ABCA5: variants seen among roughly 807,000 people sequenced by gnomAD.
The protein encoded by ABCA5 is ATP binding cassette subfamily A member 5.
In ABCA5, 163 loss-of-function variants were observed where a neutral mutation model predicts 206.0. The ratio of observed to expected loss-of-function variants is 0.79; its 90% CI spans 0.70 to 0.90. ABCA5 has a LOEUF of 0.90. Among genes scored for constraint, ABCA5 ranks in the 40% least tolerant of loss-of-function variants. The pLI, the probability that ABCA5 is intolerant of heterozygous loss-of-function variation, is 0.00. For missense variants in ABCA5, 1,859 were observed against 1,912.9 expected (o/e 0.97, Z 0.53); for synonymous variants, 609 against 613.8 (o/e 0.99, Z 0.11).
intron 1 of ABCA5, among the ~76,000 whole-genome samples, chr17:69,320,553 C>T (rs948989346): frequency 3.9e-5 from 6 of 152,082 alleles, no homozygotes; most frequent in African/African-American, 1.4e-4. Context: ...TCTCTTAAGC[C>T]CATCTGATCA....
At chr17:69,313,993 G>C (rs1304463864) in intron 2 of ABCA5, among the ~76,000 whole-genome samples, 1 of 152,080 alleles carries the variant, frequency 6.6e-6, no homozygotes. Flanking sequence ...GAGGTTGTGG[G>C]ATATAAAACT....
chr17:69,263,081 G>T (rs964665792), intron 24 of ABCA5, among the ~76,000 whole-genome samples: 1 of 152,116 alleles, frequency 6.6e-6, no homozygotes, highest in Admixed American at 6.6e-5. Context: ...TTTTAATGGA[G>T]TTTTGTTTTT....
At position 69,306,890 on chromosome 17, in the gene ABCA5, G is replaced by A; in HGVS notation, c.623C>T (p.Thr208Ile). The A allele has an allele frequency of 6.3e-7, 1 of 1,592,384 alleles. No individual in the cohort carries two copies. The highest frequency in any genetic ancestry group is 8.6e-7 in the Non-Finnish European group (1 of 1,168,596). ...ESTKAVIMGE[T>I]AVVEIDTFPR... ...AAAGGTATCTATTTCTACAACAGCA[G>A]TTTCTCCCATAATAACAGCTTTAGT... is the stretch of plus-strand genomic sequence containing the variant. The change falls in exon 6 of 39, where the codon ACT becomes ATT. Residue 208 changes from threonine (T) to isoleucine (I), a missense_variant. Coordinates refer to ENST00000392676, the MANE Select transcript of ABCA5 (RefSeq NM_172232.4).
At chr17:69,322,841 T>C (rs1411654258) in intron 1 of ABCA5, among the ~76,000 whole-genome samples, 3 of 152,208 alleles carry the variant, frequency 2.0e-5, no homozygotes, top group African/African-American at 7.2e-5. Context: ...TGTTTATTTC[T>C]GTGAGAAACA....
chr17:69,319,402 T>G (rs1342447635), intron 1 of ABCA5, among the ~76,000 whole-genome samples: 2 of 152,170 alleles, frequency 1.3e-5, no homozygotes, highest in Non-Finnish European at 1.5e-5. Context: ...CTTCCTGAAC[T>G]CAAGGTTGAG....
At chr17:69,262,016 CATT>C (rs34972131) in intron 24 of ABCA5, among the ~76,000 whole-genome samples, 45,101 of 151,524 alleles carry the variant, frequency 0.3, 8,269 homozygotes, top group Middle Eastern at 0.44. Flanking sequence ...GTAAGAAAAA[CATT>C]ATTATTTTAT....
Position 69,262,140 on chromosome 17 carries a change from C to A in ABCA5, c.3316-392G>T, listed in dbSNP as rs1430255691. ...TTTCCCTTTTTCCTAATAAAGTAAT[C>A]AATGAAAGGGCCTGCTGTCAGTCAT... On this transcript the variant is annotated intron_variant, in intron 24 of 38. Coordinates refer to ENST00000392676, the MANE Select transcript of ABCA5 (RefSeq NM_172232.4). Among the ~76,000 whole-genome samples, 4 of 152,200 alleles carry A rather than the reference C, an allele frequency of 2.6e-5. No individual in the cohort carries two copies. In the East Asian group the frequency reaches 5.8e-4, roughly 22 times the overall value.
chr17:69,301,316 A>C, intron 8 of ABCA5, 30 bp from the exon 9 acceptor site: 1 of 1,567,688 alleles, frequency 6.4e-7, no homozygotes, highest in Non-Finnish European at 8.6e-7. Context: ...ACTTTATTAC[A>C]TAAAAATGAC....
At position 69,261,130 on chromosome 17, in the gene ABCA5, T is replaced by C. The variant is rs1243619987; in HGVS notation, c.3559A>G (p.Ile1187Val). 2 of 1,560,874 alleles carry C rather than the reference T, an allele frequency of 1.3e-6. No individual in the cohort carries two copies. The highest frequency in any genetic ancestry group is 2.3e-5 in the East Asian group (1 of 43,054). Reference protein sequence around the residue: ...YPLLGCLISFIKISWKNVRKN... With the variant: ...YPLLGCLISFVKISWKNVRKN... Reference sequence around the variant, plus strand: ...AAAATATTTAGCAGAATTACCTTTATGAAAGAAATCAGGCAACCTAGAAGT... The same window carrying C: ...AAAATATTTAGCAGAATTACCTTTACGAAAGAAATCAGGCAACCTAGAAGT... Residue 1187 changes from isoleucine (I) to valine (V), a missense_variant, in exon 26 of 39, where the codon ATA becomes GTA. Coordinates refer to ENST00000392676, the MANE Select transcript of ABCA5 (RefSeq NM_172232.4).
At chr17:69,277,506 T>A in intron 19 of ABCA5, 135 bp downstream of exon 19, 2 of 657,042 alleles carry the variant, frequency 3.0e-6, no homozygotes, top group Non-Finnish European at 4.7e-6. Context: ...TCTAACATTG[T>A]GAAATTACAG....
chr17:69,305,499 C>A (rs1050169996), intron 6 of ABCA5, among the ~76,000 whole-genome samples: 11 of 152,128 alleles, frequency 7.2e-5, no homozygotes, highest in African/African-American at 2.2e-4. Context: ...AACTGAGACC[C>A]TGAGAGAATG....
In ABCA5 at chr17:69,258,201, T is replaced by A. The variant is rs185153512; in HGVS notation, c.3731+1505A>T. ...CCAAAGGAAAAAAAAAATCATTACA[T>A]AAAAAAGACACCTGAACTCATATGT... On this transcript the variant is annotated intron_variant, in intron 28 of 38. Coordinates refer to ENST00000392676, the MANE Select transcript of ABCA5 (RefSeq NM_172232.4). Among the ~76,000 whole-genome samples, 6 of 151,976 alleles carry A rather than the reference T, an allele frequency of 3.9e-5. No individual in the cohort carries two copies. In the East Asian group the frequency reaches 1.2e-3, roughly 29 times the overall value.
At chr17:69,316,145 A>G (rs985366418) in intron 1 of ABCA5, among the ~76,000 whole-genome samples, 1 of 152,214 alleles carries the variant, frequency 6.6e-6, no homozygotes, top group African/African-American at 2.4e-5. Flanking sequence ...GGCATTATCC[A>G]ATCTGAACAA....
At chr17:69,247,749 C>G in intron 38 of ABCA5, 105 bp from the exon 39 acceptor site, 1 of 546,714 alleles carries the variant, frequency 1.8e-6, no homozygotes, top group South Asian at 3.2e-5. Context: ...GTTATATCAA[C>G]AAGTATCAAG....
At chr17:69,285,785 A>T in intron 17 of ABCA5, 113 bp downstream of exon 17, 1 of 1,118,942 alleles carries the variant, frequency 8.9e-7, no homozygotes, top group Non-Finnish European at 1.2e-6. Context: ...AACTCTGGCC[A>T]CCTGGGAGCA....
intron 2 of ABCA5, among the ~76,000 whole-genome samples, chr17:69,313,899 T>A (rs1480244203): frequency 1.3e-5 from 2 of 152,252 alleles, no homozygotes; most frequent in East Asian, 3.9e-4. Context: ...TTTACCCTTA[T>A]CAAAAGTAAT....
Position 69,306,885 on chromosome 17 carries a change from C to A in ABCA5, c.628G>T (p.Val210Phe). The stretch of plus-strand genomic sequence containing the variant: ...CGGGGAAAGGTATCTATTTCTACAA[C>A]AGCAGTTTCTCCCATAATAACAGCT... ...TKAVIMGETA[V>F]VEIDTFPRGV... The change falls in exon 6 of 39, where the codon GTT becomes TTT. Residue 210 changes from valine (V) to phenylalanine (F), a missense_variant. Coordinates refer to ENST00000392676, the MANE Select transcript of ABCA5 (RefSeq NM_172232.4). The A allele has an allele frequency of 6.3e-7, 1 of 1,595,714 alleles. No homozygotes were observed. Among genetic ancestry groups the A allele is most frequent in the African/African-American group, 1.4e-5 (1 of 74,068 alleles).
intron 20 of ABCA5, among the ~76,000 whole-genome samples, chr17:69,273,619 C>T (rs967103323): frequency 6.6e-6 from 1 of 151,856 alleles, no homozygotes; most frequent in Non-Finnish European, 1.5e-5. Context: ...CCATGCCTGG[C>T]TAATTTTTAT....
intron 1 of ABCA5, among the ~76,000 whole-genome samples, chr17:69,321,216 A>G (rs1472871465): frequency 6.6e-6 from 1 of 152,206 alleles, no homozygotes; most frequent in South Asian, 2.1e-4. Flanking sequence ...TAAAGGGTTA[A>G]TATCTTGAGA....
Sources: gnomAD v4.1 joint callset for allele counts (sites outside exome capture counted in the v4.1 genomes callset) on GRCh38, gnomAD v4.1.1 for gene constraint, MANE v1.5 for transcripts, NCBI Gene and HGNC (gene_info 2026-07-23, HGNC 2026-07-21) for gene names.